The following ATP6V1H variants were observed in gnomAD, a reference collection of about 807,000 sequenced individuals.
The protein encoded by ATP6V1H is V-type proton ATPase subunit H.
Under a neutral mutation model 71.7 loss-of-function variants are expected in ATP6V1H, and 39 were observed. The observed-to-expected ratio is 0.54, with a 90% CI of 0.42 to 0.71. The LOEUF is 0.71. ATP6V1H is among the 30% of genes least tolerant of loss of function. The pLI is 0.00. For synonymous variants in ATP6V1H, 192 were observed against 199.3 expected (o/e 0.96, Z 0.31); for missense variants, 509 against 594.9 (o/e 0.86, Z 1.50).
chr8:53,801,799 C>T lies in ATP6V1H; in HGVS notation c.677G>A (p.Cys226Tyr), dbSNP rs770447527. The change falls in exon 8 of 14, where the codon TGC (cysteine) becomes TAC (tyrosine). Residue 226 changes from cysteine (C) to tyrosine (Y), a missense_variant and splice_region_variant. This residue lies in a region of ATP6V1H where 297 missense variants were observed against 303.3 expected (regional missense o/e 0.98). Coordinates refer to ENST00000359530, the MANE Select transcript of ATP6V1H (RefSeq NM_015941.4). Reference sequence around the variant, plus strand: ...TACATTAAAAGGAAAGGGCACTCACCAATTTACCCCATCTGCTTCCACCCA... The same window carrying T: ...TACATTAAAAGGAAAGGGCACTCACTAATTTACCCCATCTGCTTCCACCCA... ...FAWVEADGVN[C>Y]IMGVLSNKCG... is the part of the protein sequence containing the mutation. 2 of 1,612,582 alleles carry T rather than the reference C, an allele frequency of 1.2e-6. No individual in the cohort carries two copies. Among genetic ancestry groups the T allele is most frequent in the Non-Finnish European group, 1.7e-6 (2 of 1,179,286 alleles).
chr8:53,826,645 A>T (rs1035439707), intron 4 of ATP6V1H, among the ~76,000 whole-genome samples: 6 of 152,132 alleles, frequency 3.9e-5, no homozygotes, highest in African/African-American at 1.4e-4. Flanking sequence ...GAAAAAAAAA[A>T]TTAAAAACCA....
intron 13 of ATP6V1H, among the ~76,000 whole-genome samples, chr8:53,735,708 A>C (rs527522911): frequency 2.6e-5 from 4 of 152,210 alleles, no homozygotes; most frequent in Admixed American, 1.3e-4. Flanking sequence ...AAGTGTTCAT[A>C]ATTAAGCACA....
chr8:53,773,632 T>G (rs1235084776), intron 9 of ATP6V1H, among the ~76,000 whole-genome samples: 1 of 152,100 alleles, frequency 6.6e-6, no homozygotes, highest in Non-Finnish European at 1.5e-5. Flanking sequence ...TGGAAAACCA[T>G]GAACACTGAG....
At chr8:53,758,222 T>A (rs1808141780) in intron 11 of ATP6V1H, among the ~76,000 whole-genome samples, 1 of 152,220 alleles carries the variant, frequency 6.6e-6, no homozygotes, top group East Asian at 1.9e-4. Context: ...TTTCAAAAAA[T>A]TACTTCTTTG....
At chr8:53,751,444 T>C (rs1383538740) in intron 12 of ATP6V1H, among the ~76,000 whole-genome samples, 1 of 152,192 alleles carries the variant, frequency 6.6e-6, no homozygotes, top group African/African-American at 2.4e-5. Flanking sequence ...TAGTCCAAAG[T>C]GCAAATATGA....
chr8:53,724,086 T>G (rs2130093587), intron 13 of ATP6V1H, among the ~76,000 whole-genome samples: 2 of 152,298 alleles, frequency 1.3e-5, no homozygotes, highest in Middle Eastern at 6.8e-3. Context: ...TTTCAAACAT[T>G]AAAACAAAAA....
At chr8:53,792,138 A>G (rs1456461352) in intron 9 of ATP6V1H, among the ~76,000 whole-genome samples, 2 of 152,228 alleles carry the variant, frequency 1.3e-5, no homozygotes, top group African/African-American at 4.8e-5. Context: ...ATTTACTGTG[A>G]CAACTCATGT....
intron 4 of ATP6V1H, 26 bp from the exon 5 acceptor site, chr8:53,817,556 C>G: frequency 7.0e-7 from 1 of 1,427,536 alleles, no homozygotes; most frequent in Non-Finnish European, 9.8e-7. Context: ...AATGATATCA[C>G]CAGTCAGAAC....
At chr8:53,753,237 A>T (rs1807864457) in intron 12 of ATP6V1H, among the ~76,000 whole-genome samples, 1 of 152,248 alleles carries the variant, frequency 6.6e-6, no homozygotes, top group African/African-American at 2.4e-5. Flanking sequence ...ATATTGGTCC[A>T]TGATGTAAAT....
intron 5 of ATP6V1H, among the ~76,000 whole-genome samples, chr8:53,816,750 C>G (rs1004642833): frequency 6.6e-6 from 1 of 151,968 alleles, no homozygotes; most frequent in Non-Finnish European, 1.5e-5. Flanking sequence ...AAGCCGAGAT[C>G]GCACAACTGC....
At chr8:53,784,595 T>C (rs893227925) in intron 9 of ATP6V1H, among the ~76,000 whole-genome samples, 2 of 152,234 alleles carry the variant, frequency 1.3e-5, no homozygotes, top group Non-Finnish European at 2.9e-5. Context: ...GTTAGCTGGT[T>C]ATTCTGCTCG....
intron 7 of ATP6V1H, among the ~76,000 whole-genome samples, chr8:53,804,047 T>A (rs1810000260): frequency 6.6e-6 from 1 of 152,234 alleles, no homozygotes; most frequent in Non-Finnish European, 1.5e-5. Context: ...GGTTGTTATT[T>A]ATAGCTTCAG....
At chr8:53,781,837 G>A (rs1809147013) in intron 9 of ATP6V1H, among the ~76,000 whole-genome samples, 1 of 152,108 alleles carries the variant, frequency 6.6e-6, no homozygotes, top group South Asian at 2.1e-4. Flanking sequence ...GTTTGTCAAA[G>A]ATCAGATAGT....
chr8:53,779,207 G>A (rs1809006531), intron 9 of ATP6V1H, among the ~76,000 whole-genome samples: 1 of 151,878 alleles, frequency 6.6e-6, no homozygotes, highest in African/African-American at 2.4e-5. Context: ...AAATGACACA[G>A]AACACAACTC....
chr8:53,785,995 T>C (rs532922460), intron 9 of ATP6V1H, among the ~76,000 whole-genome samples: 32 of 152,344 alleles, frequency 2.1e-4, no homozygotes, highest in Admixed American at 1.1e-3. Context: ...AGGGACCCAC[T>C]TGAGGAGGTA....
chr8:53,825,870 G>T (rs1190005805), intron 4 of ATP6V1H, among the ~76,000 whole-genome samples: 1 of 151,478 alleles, frequency 6.6e-6, no homozygotes, highest in African/African-American at 2.4e-5. Context: ...TCAAAATCTA[G>T]ATTAAAAAAA....
intron 12 of ATP6V1H, among the ~76,000 whole-genome samples, chr8:53,746,867 G>C (rs1305252088): frequency 6.6e-6 from 1 of 151,986 alleles, no homozygotes; most frequent in Non-Finnish European, 1.5e-5. Flanking sequence ...CTAGAGTCAA[G>C]TACTTCATTT....
At chr8:53,744,161 G>C (rs1259764653) in intron 12 of ATP6V1H, among the ~76,000 whole-genome samples, 2 of 151,996 alleles carry the variant, frequency 1.3e-5, no homozygotes, top group Non-Finnish European at 2.9e-5. Flanking sequence ...GGGTTAAAGA[G>C]CACCCATGCT....
chr8:53,800,461 C>T (rs1809873342), intron 8 of ATP6V1H, among the ~76,000 whole-genome samples: 1 of 152,200 alleles, frequency 6.6e-6, no homozygotes, highest in South Asian at 2.1e-4. Flanking sequence ...ATAGATTGCA[C>T]TCTATTCTCT....
Sources: allele counts gnomAD v4.1 joint callset (sites outside exome capture counted in the v4.1 genomes callset), GRCh38; gene constraint gnomAD v4.1.1; regional missense constraint gnomAD v4.1.1; transcripts MANE v1.5; gene names NCBI Gene and HGNC (gene_info 2026-07-23, HGNC 2026-07-21).